LMLN: variants seen among roughly 807,000 people sequenced by gnomAD.
LMLN encodes leishmanolysin like peptidase.
A neutral mutation model predicts 92.3 loss-of-function variants in LMLN; 70 were observed. That is an observed-to-expected ratio of 0.76 (90% CI 0.63 to 0.92). The LOEUF (loss-of-function observed/expected upper bound fraction) is 0.92. Among genes scored for constraint, LMLN ranks in the 40% least tolerant of loss-of-function variants. LMLN has a pLI of 0.00. For missense variants in LMLN, 691 were observed against 814.6 expected (o/e 0.85, Z 1.85); for synonymous variants, 308 against 296.2 (o/e 1.04, Z -0.41).
chr3:197,982,204 A>AAG (rs1332752990), intron 6 of LMLN, among the ~76,000 whole-genome samples: 1 of 151,534 alleles, frequency 6.6e-6, no homozygotes, highest in Admixed American at 6.6e-5. Flanking sequence ...GATTTGTTAA[A>AAG]AGAAAAAGCA....
chr3:198,000,847 C>T (rs1722152789), intron 11 of LMLN, among the ~76,000 whole-genome samples: 1 of 152,176 alleles, frequency 6.6e-6, no homozygotes, highest in Non-Finnish European at 1.5e-5. Context: ...TGAGCTAAGG[C>T]TTCATGAAAC....
chr3:197,975,045 G>T (rs1371593936), exon 3 of LMLN: 1 of 1,482,106 alleles, frequency 6.7e-7, no homozygotes. Context: ...TTTTCAGGTT[G>T]CTCCCTGAGA....
rs754953770 is a variant in LMLN, at chr3:197,960,408, C to T, written c.187C>T (p.Pro63Ser). ...TCCCGTCTCCTTGGGCAGTTCCCCT[C>T]CCTGCCGGCACCACGTCCCCTCTGA... Residue 63 changes from proline (P) to serine (S), a missense_variant, in exon 1 of 16, where the codon CCC becomes TCC. Pro to Ser is a moderately conservative substitution (Grantham distance 74). Around this residue, in one of 4 missense-constraint regions of LMLN, gnomAD observed 240 missense variants for 287.3 expected, o/e 0.84. Transcript: ENST00000330198. The T allele has an allele frequency of 4.3e-5, 70 of 1,613,852 alleles. No individual in the cohort carries two copies. Among genetic ancestry groups the T allele is most frequent in the Non-Finnish European group, 5.4e-5 (64 of 1,180,018 alleles).
chr3:197,986,649 A>G (rs1397407380), intron 8 of LMLN, among the ~76,000 whole-genome samples: 1 of 152,168 alleles, frequency 6.6e-6, no homozygotes, highest in Non-Finnish European at 1.5e-5. Flanking sequence ...TTTGTTCACT[A>G]CTTATGTGTA....
At chr3:197,960,658 G>A (rs576869305) in intron 1 of LMLN, among the ~76,000 whole-genome samples, 25 of 152,296 alleles carry the variant, frequency 1.6e-4, no homozygotes, top group Non-Finnish European at 2.5e-4. Context: ...GGAGGGTTGT[G>A]CTTAGCAGTA....
intron 1 of LMLN, among the ~76,000 whole-genome samples, chr3:197,968,723 A>G (rs1240150649): frequency 3.9e-5 from 6 of 152,192 alleles, no homozygotes; most frequent in Non-Finnish European, 8.8e-5. Context: ...GTCTCATAGC[A>G]TGAGTTGGGA....
intron 11 of LMLN, among the ~76,000 whole-genome samples, chr3:198,003,380 CATAAAT>C (rs1242966101): frequency 6.6e-6 from 1 of 152,126 alleles, no homozygotes; most frequent in African/African-American, 2.4e-5. Flanking sequence ...TATTAGAACT[CATAAAT>C]ATATATATTT....
Position 198,031,364 on chromosome 3 carries a change from G to A in LMLN, c.1657-4469G>A, listed in dbSNP as rs532720820. On this transcript the variant is annotated intron_variant, in intron 14 of 15. Coordinates refer to ENST00000330198, the Ensembl canonical transcript of LMLN. The surrounding 1 kb of genome is among the most constrained non-coding windows in gnomAD (Gnocchi z 4.8). ...CTGGAAAAGGAAGGGTATTATTCAT[G>A]TGGGAGTTGTGTCTTCTGCTTTCAG... Among the ~76,000 whole-genome samples the A allele has an allele frequency of 1.8e-4, 27 of 152,300 alleles. No individual in the cohort carries two copies. The highest frequency in any genetic ancestry group is 6.3e-4 in the African/African-American group (26 of 41,580).
chr3:198,023,899 C>T (rs1722848633), intron 13 of LMLN, among the ~76,000 whole-genome samples: 1 of 152,198 alleles, frequency 6.6e-6, no homozygotes, highest in African/African-American at 2.4e-5. Flanking sequence ...TTGTGGACTT[C>T]CAGGAGGTGG....
At chr3:197,993,917 G>A (rs1477672746) in intron 9 of LMLN, among the ~76,000 whole-genome samples, 2 of 152,106 alleles carry the variant, frequency 1.3e-5, no homozygotes, top group Non-Finnish European at 2.9e-5. Flanking sequence ...TAGGCACATT[G>A]ATGAATGGAA....
intron 11 of LMLN, among the ~76,000 whole-genome samples, chr3:198,006,177 G>A (rs1722288310): frequency 6.6e-6 from 1 of 152,098 alleles, no homozygotes; most frequent in South Asian, 2.1e-4. Context: ...TATTGTATGT[G>A]AACTTTTGAG....
At chr3:198,038,298 G>T in intron 15 of LMLN, 2 of 372,566 alleles carry the variant, frequency 5.4e-6, no homozygotes, top group Non-Finnish European at 9.9e-6. Flanking sequence ...CTTTATCTTT[G>T]CTGGGGTACT....
chr3:197,975,051 TGA>T lies in LMLN; in HGVS notation c.330_331del (p.Lys112GlufsTer31). The T allele has an allele frequency of 6.7e-7, 1 of 1,485,556 alleles. No homozygotes were observed. The highest frequency in any genetic ancestry group is 9.4e-7 in the Non-Finnish European group (1 of 1,069,094). The allele number at this position is 1,485,556 out of a possible 1,614,324, so 92.0% of individuals were successfully genotyped here. ...ATGTCATTATTTTCAGGTTGCTCCC[TGA>T]GAAAAAGAATCTTGTAAAGGTATGT... is the stretch of plus-strand genomic sequence containing the variant. On this transcript the variant is annotated frameshift_variant, in exon 3 of 16. Coordinates refer to ENST00000330198, the Ensembl canonical transcript of LMLN. LOFTEE classifies it high-confidence loss of function.
chr3:198,001,471 C>A (rs1329558990), intron 11 of LMLN, among the ~76,000 whole-genome samples: 1 of 152,204 alleles, frequency 6.6e-6, no homozygotes, highest in South Asian at 2.1e-4. Context: ...AGTCTACTTA[C>A]TCCACATTTT....
intron 11 of LMLN, among the ~76,000 whole-genome samples, chr3:198,002,157 A>G (rs897457799): frequency 6.6e-6 from 1 of 152,076 alleles, no homozygotes; most frequent in African/African-American, 2.4e-5. Flanking sequence ...CTCTTACTAG[A>G]ACTTTTTTTT....
Position 198,024,790 on chromosome 3 carries a change from T to C in LMLN, c.1656+2T>C. On this transcript the variant is annotated splice_donor_variant, in intron 14 of 15. Coordinates refer to ENST00000330198, the Ensembl canonical transcript of LMLN. LOFTEE classifies it high-confidence loss of function. ...GACTGGGGAAGCGGATGCTATCAGG[T>C]AAGCTTATGTTTGTTATTAGTTGTG... 6.2e-7 allele frequency: 1 copy of C among 1,601,562 alleles called. No homozygotes were observed. Among genetic ancestry groups the C allele is most frequent in the Non-Finnish European group, 8.5e-7 (1 of 1,175,962 alleles).
chr3:198,017,237 C>T (rs1722664459), intron 11 of LMLN, among the ~76,000 whole-genome samples: 1 of 152,176 alleles, frequency 6.6e-6, no homozygotes, highest in Non-Finnish European at 1.5e-5. Context: ...CATTGAAATT[C>T]AGAATCATTT....
In LMLN at chr3:198,015,681, T is replaced by C. The variant is rs114727654; in HGVS notation, c.1233-3572T>C. 8.7e-3 allele frequency among the ~76,000 whole-genome samples: 1,307 copies of C among 149,376 alleles called. 31 individuals carry two copies. Among genetic ancestry groups the C allele is most frequent in the African/African-American group, 0.031 (1,213 of 39,528 alleles). On this transcript the variant is annotated intron_variant, in intron 11 of 15. Transcript: ENST00000330198. ...AGCCCCCTAACTAGTCTGACTTCCC[T>C]CCACCCTTCAGAGTCCCCTAACTAG... is the stretch of plus-strand genomic sequence containing the variant.
rs1354831511 is a variant in LMLN, at chr3:198,036,057, A to G, written c.1867+14A>G. On this transcript the variant is annotated intron_variant, in intron 15 of 15. Coordinates refer to ENST00000330198, the Ensembl canonical transcript of LMLN. ...CTCTGCCACTTGGTGAGTGCTCTCT[A>G]TGGTTGGAATAAAGAGGGAAAAGTG... 1.9e-6 allele frequency: 3 copies of G among 1,607,762 alleles called. No homozygotes were observed. Among genetic ancestry groups the G allele is most frequent in the East Asian group, 2.2e-5 (1 of 44,844 alleles).
Sources: gnomAD v4.1 joint callset for allele counts (sites outside exome capture counted in the v4.1 genomes callset) on GRCh38, gnomAD v4.1.1 for gene constraint, gnomAD v4.1.1 regional missense constraint, Gnocchi (gnomAD v3.1) non-coding constraint, MANE v1.5 for transcripts, NCBI Gene and HGNC (gene_info 2026-07-23, HGNC 2026-07-21) for gene names.